SLC44A5: variants seen among roughly 807,000 people sequenced by gnomAD.
SLC44A5 encodes solute carrier family 44 member 5.
In SLC44A5, 57 loss-of-function variants were observed where a neutral mutation model predicts 101.8. That is an observed-to-expected ratio of 0.56 (90% confidence interval 0.45 to 0.70). The LOEUF (loss-of-function observed/expected upper bound fraction) is 0.70, where lower values mean the gene tolerates loss of function less well. Ranked by LOEUF, SLC44A5 falls within the 30% of genes least tolerant of loss-of-function variation. The pLI, the probability that SLC44A5 is intolerant of heterozygous loss-of-function variation, is 0.00. For missense variants in SLC44A5, 737 were observed against 853.1 expected (o/e 0.86, Z 1.70); for synonymous variants, 281 against 290.9 (o/e 0.97, Z 0.35).
chr1:75,504,224 C>T (rs953137959), intron 2 of SLC44A5, among the ~76,000 whole-genome samples: 1 of 152,030 alleles, frequency 6.6e-6, no homozygotes, highest in Admixed American at 6.6e-5. Context: ...GAAATTCTCA[C>T]ATTTGTAATT....
At chr1:75,340,147 A>G (rs1657764234) in intron 3 of SLC44A5, among the ~76,000 whole-genome samples, 1 of 152,200 alleles carries the variant, frequency 6.6e-6, no homozygotes, top group Non-Finnish European at 1.5e-5. Context: ...GTTCTATTAT[A>G]AAAACATTTT....
intron 3 of SLC44A5, among the ~76,000 whole-genome samples, chr1:75,351,379 T>A (rs1264468111): frequency 6.6e-6 from 1 of 151,930 alleles, no homozygotes; most frequent in South Asian, 2.1e-4. Context: ...AAAAAAATAA[T>A]AAACTTGGAC....
At chr1:75,716,266 T>C in the SLC44A5 span, among the ~76,000 whole-genome samples, 1 of 151,950 alleles carries the variant, frequency 6.6e-6, no homozygotes, top group African/African-American at 2.4e-5. Flanking sequence ...ATTGCTTGAG[T>C]CCCAGAGTTA....
At chr1:75,240,106 T>A (rs1456016443) in intron 9 of SLC44A5, among the ~76,000 whole-genome samples, 2 of 152,116 alleles carry the variant, frequency 1.3e-5, no homozygotes, top group African/African-American at 2.4e-5. Context: ...ATTACATATT[T>A]GGAAAGTGGA....
chr1:75,206,406 A>C, intron 23 of SLC44A5: 1 of 459,330 alleles, frequency 2.2e-6, no homozygotes, highest in Non-Finnish European at 3.8e-6. Flanking sequence ...TAACATTTTG[A>C]TCTTTAGCTG....
At chr1:75,310,976 C>T (rs948739130) in intron 4 of SLC44A5, among the ~76,000 whole-genome samples, 3 of 151,816 alleles carry the variant, frequency 2.0e-5, no homozygotes, top group African/African-American at 7.3e-5. Context: ...TATACATTTA[C>T]AGTTGTCATT....
At chr1:75,656,761 A>G in the SLC44A5 span, among the ~76,000 whole-genome samples, 1 of 152,226 alleles carries the variant, frequency 6.6e-6, no homozygotes, top group African/African-American at 2.4e-5. Flanking sequence ...AAAAGAAAGG[A>G]GGAGAGAAAT....
chr1:75,597,415 A>G (rs1674704620), intron 1 of SLC44A5, among the ~76,000 whole-genome samples: 1 of 152,218 alleles, frequency 6.6e-6, no homozygotes, highest in Non-Finnish European at 1.5e-5. Flanking sequence ...TATTAAACTA[A>G]CATTGATATT....
chr1:75,569,460 T>C (rs972661640), intron 1 of SLC44A5, among the ~76,000 whole-genome samples: 8 of 152,090 alleles, frequency 5.3e-5, no homozygotes, highest in African/African-American at 1.7e-4. Flanking sequence ...CAGGCTGGTC[T>C]CGAACTCATG....
At chr1:75,587,207 G>T (rs1674058693) in intron 1 of SLC44A5, among the ~76,000 whole-genome samples, 1 of 152,078 alleles carries the variant, frequency 6.6e-6, no homozygotes, top group African/African-American at 2.4e-5. Context: ...GGGAAATTCA[G>T]CATTAGAGGA....
chr1:75,573,359 A>C (rs1673189217), intron 1 of SLC44A5, among the ~76,000 whole-genome samples: 1 of 151,984 alleles, frequency 6.6e-6, no homozygotes, highest in Non-Finnish European at 1.5e-5. Flanking sequence ...AAAAGAAAGA[A>C]GTATAGATAT....
intron 1 of SLC44A5, among the ~76,000 whole-genome samples, chr1:75,545,863 A>C (rs1671621938): frequency 2.1e-5 from 3 of 143,794 alleles, no homozygotes; most frequent in South Asian, 2.2e-4. Context: ...TTGTTCTGTC[A>C]CCCAGGCTGC....
chr1:75,293,430 C>T (rs968272930), intron 5 of SLC44A5, among the ~76,000 whole-genome samples: 1 of 152,100 alleles, frequency 6.6e-6, no homozygotes, highest in Non-Finnish European at 1.5e-5. Flanking sequence ...GGAGGCATTC[C>T]CTAAACACTT....
chr1:75,661,541 C>G, the SLC44A5 span, among the ~76,000 whole-genome samples: 1 of 151,330 alleles, frequency 6.6e-6, no homozygotes, highest in Non-Finnish European at 1.5e-5. Flanking sequence ...TTCAGTACAG[C>G]AAAGGAAAAA....
chr1:75,537,034 A>AAAAAG (rs1553199990), intron 2 of SLC44A5, among the ~76,000 whole-genome samples: 255 of 18,644 alleles, frequency 0.014, 10 homozygotes, highest in African/African-American at 0.024. Flanking sequence ...AAAAAAAAAA[A>AAAAAG]TATATATCTA....
intron 5 of SLC44A5, among the ~76,000 whole-genome samples, chr1:75,299,449 T>C (rs970819457): frequency 6.6e-6 from 1 of 152,168 alleles, no homozygotes; most frequent in Non-Finnish European, 1.5e-5. Flanking sequence ...GGGAAAAATG[T>C]TTTTCATTGT....
chr1:75,657,055 G>A, the SLC44A5 span, among the ~76,000 whole-genome samples: 1 of 152,130 alleles, frequency 6.6e-6, no homozygotes. Flanking sequence ...AGGCTGAGGT[G>A]GAAGGATCAC....
intron 2 of SLC44A5, among the ~76,000 whole-genome samples, chr1:75,497,778 A>G (rs977131743): frequency 6.6e-6 from 1 of 152,166 alleles, no homozygotes; most frequent in Non-Finnish European, 1.5e-5. Flanking sequence ...TTCAATTTAA[A>G]AAATGTTTAA....
At position 75,219,370 on chromosome 1, in the gene SLC44A5, C is replaced by A. The variant is rs757597682; in HGVS notation, c.1179-26G>T. 41 of 1,481,380 alleles carry A rather than the reference C, an allele frequency of 2.8e-5. No homozygotes were observed. The Middle Eastern group carries it at 5.1e-4, about 19-fold the overall frequency. The allele number at this position is 1,481,380 out of a possible 1,614,324, so 91.8% of individuals were successfully genotyped here. ...CTGAATAAACTCCATTAAGGATAAA[C>A]CATTTGCTGGTAGATTGAAAATAAA... On this transcript the variant is annotated intron_variant, in intron 15 of 23. Transcript: ENST00000370859.
Sources: allele counts gnomAD v4.1 joint callset (sites outside exome capture counted in the v4.1 genomes callset), GRCh38; gene constraint gnomAD v4.1.1; transcripts MANE v1.5; gene names NCBI Gene and HGNC (gene_info 2026-07-23, HGNC 2026-07-21).